Variants in MEIS2 observed in about 807,000 individuals in gnomAD.
MEIS2 encodes Meis homeobox 2, also known as homeobox protein Meis2.
Under a neutral mutation model 58.6 loss-of-function variants are expected in MEIS2, and 9 were observed. The ratio of observed to expected loss-of-function variants is 0.15; its 90% CI spans 0.09 to 0.27. The LOEUF (loss-of-function observed/expected upper bound fraction) is 0.27. Ranked by LOEUF, MEIS2 falls within the 10% of genes least tolerant of loss-of-function variation. MEIS2 has a pLI of 1.00. For missense variants in MEIS2, 427 were observed against 635.0 expected (o/e 0.67, Z 3.52); for synonymous variants, 221 against 228.4 (o/e 0.97, Z 0.29).
chr15:37,083,965 A>G, intron 6 of MEIS2, 80 bp from the exon 7 acceptor site: 1 of 1,227,898 alleles, frequency 8.1e-7, no homozygotes. Context: ...CGGCACAGAA[A>G]GAGACAAAAA....
At chr15:36,973,711 C>G (rs1007865057) in intron 8 of MEIS2, among the ~76,000 whole-genome samples, 1 of 151,784 alleles carries the variant, frequency 6.6e-6, no homozygotes, top group East Asian at 1.9e-4. Context: ...TAATGACGTT[C>G]AAATAAGAAG....
chr15:36,896,555 G>A, intron 10 of MEIS2, 73 bp downstream of exon 10: 3 of 1,173,218 alleles, frequency 2.6e-6, no homozygotes, highest in Non-Finnish European at 2.4e-6. Flanking sequence ...ATCAGATGAG[G>A]AAACTACTGG....
chr15:37,001,153 G>C (rs2060713390), intron 8 of MEIS2, among the ~76,000 whole-genome samples: 1 of 152,216 alleles, frequency 6.6e-6, no homozygotes, highest in African/African-American at 2.4e-5. Flanking sequence ...CAGGCTTCAA[G>C]TAATCTTTCA....
At chr15:36,899,996 C>A (rs1369238758) in intron 9 of MEIS2, among the ~76,000 whole-genome samples, 1 of 152,110 alleles carries the variant, frequency 6.6e-6, no homozygotes, top group Non-Finnish European at 1.5e-5. Flanking sequence ...TTAATGAAAA[C>A]CCCCACAAGT....
chr15:37,017,440 C>T (rs1189074382), intron 8 of MEIS2, among the ~76,000 whole-genome samples: 3 of 152,022 alleles, frequency 2.0e-5, no homozygotes, highest in Non-Finnish European at 2.9e-5. Context: ...CCTGTCTCTA[C>T]TAAGAGTAAA....
intron 8 of MEIS2, among the ~76,000 whole-genome samples, chr15:36,954,451 T>TTATAATTATA (rs2058881266): frequency 6.9e-6 from 1 of 144,892 alleles, no homozygotes; most frequent in Admixed American, 6.9e-5. Flanking sequence ...TTATAATTAA[T>TTATAATTATA]TGTAATTATA....
At chr15:37,061,654 C>T (rs570959980) in intron 7 of MEIS2, among the ~76,000 whole-genome samples, 26 of 152,138 alleles carry the variant, frequency 1.7e-4, no homozygotes, top group African/African-American at 5.5e-4. Context: ...TTGCCTTTAA[C>T]ACTTTAAAAA....
intron 9 of MEIS2, among the ~76,000 whole-genome samples, chr15:36,915,867 G>A (rs895012574): frequency 2.0e-5 from 3 of 152,192 alleles, no homozygotes; most frequent in Non-Finnish European, 2.9e-5. Flanking sequence ...AGATGAGGAT[G>A]CTTAGGAGGA....
intron 8 of MEIS2, among the ~76,000 whole-genome samples, chr15:37,036,021 C>G (rs529372051): frequency 6.6e-6 from 1 of 152,224 alleles, no homozygotes; most frequent in South Asian, 2.1e-4. Flanking sequence ...TCCAAATGAA[C>G]AGTAAAATAT....
At chr15:36,970,277 G>A (rs1040516372) in intron 8 of MEIS2, among the ~76,000 whole-genome samples, 8 of 151,882 alleles carry the variant, frequency 5.3e-5, no homozygotes, top group East Asian at 3.9e-4. Context: ...GGTGGCGGGC[G>A]CCTGTAGTCC....
chr15:36,990,273 C>G (rs965956483), intron 8 of MEIS2, among the ~76,000 whole-genome samples: 6 of 151,856 alleles, frequency 4.0e-5, no homozygotes, highest in Admixed American at 6.6e-5. Context: ...TACACACTCC[C>G]CAAAGAAAAC....
At chr15:37,055,701 C>T (rs1283707176) in intron 7 of MEIS2, among the ~76,000 whole-genome samples, 1 of 152,282 alleles carries the variant, frequency 6.6e-6, no homozygotes, top group African/African-American at 2.4e-5. Flanking sequence ...CTAAGGTTCA[C>T]TAAGTACGGA....
At chr15:36,996,177 A>ATTG in intron 8 of MEIS2, among the ~76,000 whole-genome samples, 1 of 151,836 alleles carries the variant, frequency 6.6e-6, no homozygotes, top group Non-Finnish European at 1.5e-5. Flanking sequence ...CAATTTTCTC[A>ATTG]TTTAGTTCCA....
In MEIS2 at chr15:36,892,306, TG is replaced by T. The variant is rs2055907471; in HGVS notation, c.1300del (p.His434ThrfsTer5). 3 of 1,613,206 alleles carry T rather than the reference TG, an allele frequency of 1.9e-6. No individual in the cohort carries two copies. Among genetic ancestry groups the T allele is most frequent in the Non-Finnish European group, 2.5e-6 (3 of 1,179,838 alleles). On this transcript the variant is annotated frameshift_variant, in exon 12 of 12. Transcript: ENST00000561208. LOFTEE classifies it high-confidence loss of function. The stretch of plus-strand genomic sequence containing the variant: ...TCCGTGCATCATCATGGCTGGGTGG[TG>T]GGGATGGCTTGGCAAATATGAATGC... ...PMHSYLPSHP[H>X]HPAMMMHGGP...
At chr15:37,050,822 T>C (rs1254531903) in intron 7 of MEIS2, 1 of 152,232 alleles carries the variant, frequency 6.6e-6, no homozygotes, top group Non-Finnish European at 1.5e-5. Flanking sequence ...TTCTTATTTA[T>C]ATTTGTTAAG....
At chr15:36,917,937 C>T (rs2057348636) in intron 9 of MEIS2, among the ~76,000 whole-genome samples, 1 of 152,220 alleles carries the variant, frequency 6.6e-6, no homozygotes, top group Non-Finnish European at 1.5e-5. Context: ...AAATGGTCTT[C>T]TGGTTCCCCT....
intron 7 of MEIS2, among the ~76,000 whole-genome samples, chr15:37,065,790 A>G (rs1307875895): frequency 6.6e-6 from 1 of 152,226 alleles, no homozygotes; most frequent in African/African-American, 2.4e-5. Context: ...GATATAAAAT[A>G]TTCACTAACT....
At chr15:37,027,482 G>A (rs1392143447) in intron 8 of MEIS2, among the ~76,000 whole-genome samples, 2 of 152,160 alleles carry the variant, frequency 1.3e-5, no homozygotes, top group Non-Finnish European at 2.9e-5. Context: ...TGATCTGAAT[G>A]AATATTCAGG....
intron 8 of MEIS2, among the ~76,000 whole-genome samples, chr15:37,015,472 A>G (rs1329756732): frequency 8.0e-6 from 1 of 125,770 alleles, no homozygotes; most frequent in East Asian, 2.3e-4. Context: ...ACACACATGC[A>G]CACACACACA....
Sources: allele counts gnomAD v4.1 joint callset (sites outside exome capture counted in the v4.1 genomes callset), GRCh38; gene constraint gnomAD v4.1.1; transcripts MANE v1.5; gene names NCBI Gene and HGNC (gene_info 2026-07-23, HGNC 2026-07-21).